Variants in CPNE2 observed in about 807,000 individuals in gnomAD.
The protein encoded by CPNE2 is copine-2.
A neutral mutation model predicts 69.7 loss-of-function variants in CPNE2; 42 were observed. The ratio of observed to expected loss-of-function variants is 0.60; its 90% CI spans 0.47 to 0.78. The LOEUF (loss-of-function observed/expected upper bound fraction) is 0.78. CPNE2 is among the 30% of genes least tolerant of loss of function. The probability of loss-of-function intolerance (pLI) is 0.00; values close to 1 mark genes in which losing one functional copy is unlikely to be tolerated. For missense variants in CPNE2, 587 were observed against 732.0 expected (o/e 0.80, Z 2.29); for synonymous variants, 294 against 289.8 (o/e 1.01, Z -0.15).
intron 1 of CPNE2, among the ~76,000 whole-genome samples, chr16:57,104,434 C>A (rs2145238314): frequency 6.6e-6 from 1 of 152,326 alleles, no homozygotes; most frequent in Middle Eastern, 3.4e-3. Flanking sequence ...TGAAGTAGGA[C>A]ACAGTCCCTC....
chr16:57,127,255 CAGATT>C (rs2069807113), intron 11 of CPNE2, among the ~76,000 whole-genome samples: 1 of 152,092 alleles, frequency 6.6e-6, no homozygotes, highest in Non-Finnish European at 1.5e-5. Context: ...CTAGAGGAAA[CAGATT>C]AGGGAGAGAT....
chr16:57,122,762 T>G (rs2069772304), intron 9 of CPNE2, among the ~76,000 whole-genome samples: 1 of 152,040 alleles, frequency 6.6e-6, no homozygotes, highest in Non-Finnish European at 1.5e-5. Context: ...CTGGCTAATT[T>G]TTGTGTTTTT....
intron 14 of CPNE2, among the ~76,000 whole-genome samples, chr16:57,140,618 G>T (rs1043422237): frequency 2.0e-5 from 3 of 151,948 alleles, no homozygotes; most frequent in African/African-American, 7.3e-5. Context: ...AGGCTGAAGT[G>T]CAGTGGCACA....
Position 57,147,676 on chromosome 16 carries a change from C to T in CPNE2, c.*18C>T, listed in dbSNP as rs1413365947. On this transcript the variant is annotated 3_prime_UTR_variant, in exon 16 of 16. Transcript: ENST00000290776. ...CCGCCTGAGCTCCAGTGCCCAGCAG[C>T]AGCATGTCAGCTGAGCCTCCTGCCC... 1 of 1,555,920 alleles carries T rather than the reference C, an allele frequency of 6.4e-7. No individual in the cohort carries two copies. Among genetic ancestry groups the T allele is most frequent in the South Asian group, 1.2e-5 (1 of 86,032 alleles).
rs879492026 is a variant in CPNE2, at chr16:57,147,911, T to C, written c.*253T>C. The stretch of plus-strand genomic sequence containing the variant: ...CTTTGCCATTCTTAAGTATTGAATG[T>C]ACTTTGTATAATTTTAGTGGAATTG... On this transcript the variant is annotated 3_prime_UTR_variant, in exon 16 of 16. Coordinates refer to ENST00000290776, the MANE Select transcript of CPNE2 (RefSeq NM_152727.6). 6 of 370,758 alleles carry C rather than the reference T, an allele frequency of 1.6e-5. No individual in the cohort carries two copies. The Admixed American group carries it at 1.8e-4, about 11-fold the overall frequency. The allele number at this position is 370,758 out of a possible 1,614,324, so 23.0% of individuals were successfully genotyped here. A position where few individuals can be genotyped will look rare whatever the true frequency, so the allele number is the denominator to read the frequency against.
intron 11 of CPNE2, 46 bp downstream of exon 11, chr16:57,126,039 A>G (rs768624119): frequency 1.3e-5 from 21 of 1,608,874 alleles, no homozygotes; most frequent in Non-Finnish European, 1.5e-5. Context: ...GTTCCATCCA[A>G]CCTGGGAAGC....
At chr16:57,102,380 G>A (rs1392206340) in intron 1 of CPNE2, among the ~76,000 whole-genome samples, 1 of 152,124 alleles carries the variant, frequency 6.6e-6, no homozygotes, top group Non-Finnish European at 1.5e-5. Context: ...AGGATATGCT[G>A]GGTGCAGAAG....
intron 14 of CPNE2, 55 bp downstream of exon 14, chr16:57,137,337 T>TG (rs1185973831): frequency 3.1e-6 from 5 of 1,600,162 alleles, no homozygotes; most frequent in East Asian, 4.5e-5. Flanking sequence ...TCCTCTGGGC[T>TG]GGGGGGCAGG....
chr16:57,107,822 C>T (rs2069657097), intron 1 of CPNE2, among the ~76,000 whole-genome samples: 1 of 151,940 alleles, frequency 6.6e-6, no homozygotes, highest in Non-Finnish European at 1.5e-5. Context: ...TGTGTTCCTG[C>T]CAGACTGGAC....
In CPNE2 at chr16:57,140,093, C is replaced by T. The variant is rs150617536; in HGVS notation, c.1302+2811C>T. Among the ~76,000 whole-genome samples the T allele has an allele frequency of 2.4e-3, 365 of 152,168 alleles. 2 individuals are homozygous for T. Among genetic ancestry groups the T allele is most frequent in the African/African-American group, 8.0e-3 (334 of 41,528 alleles). On this transcript the variant is annotated intron_variant, in intron 14 of 15. Transcript: ENST00000290776. ...GCTCAGAGTGCCAGAAGGAGCTTCC[C>T]GGCCCTGACCCTGGCAACCCGGAGC...
At chr16:57,101,556 C>A (rs1485166621) in intron 1 of CPNE2, among the ~76,000 whole-genome samples, 1 of 151,880 alleles carries the variant, frequency 6.6e-6, no homozygotes, top group African/African-American at 2.4e-5. Context: ...GTGAAGCCAG[C>A]AGGGCTTGTA....
intron 14 of CPNE2, chr16:57,145,769 T>C: frequency 2.6e-6 from 1 of 391,574 alleles, no homozygotes. Flanking sequence ...TCCCACAGTA[T>C]AGCAACTGGC....
chr16:57,140,961 C>T (rs1458509153), intron 14 of CPNE2: 4 of 151,292 alleles, frequency 2.6e-5, no homozygotes, highest in Middle Eastern at 3.2e-3. Flanking sequence ...CTTCACCTTG[C>T]ACTCCCTCCT....
chr16:57,136,941 G>T (rs1166003779), intron 13 of CPNE2, among the ~76,000 whole-genome samples: 1 of 152,200 alleles, frequency 6.6e-6, no homozygotes, highest in Non-Finnish European at 1.5e-5. Flanking sequence ...AAACTCTACA[G>T]GCCTGTCTGA....
chr16:57,145,298 G>A lies in CPNE2; in HGVS notation c.1303-787G>A, dbSNP rs145531938. On this transcript the variant is annotated intron_variant, in intron 14 of 15. Transcript: ENST00000290776. The stretch of plus-strand genomic sequence containing the variant: ...GAAGCTTAGCAAATGTTAGAGAGAC[G>A]TGAAAGACACAGTAGTACCAAACCA... Among the ~76,000 whole-genome samples the A allele has an allele frequency of 3.9e-5, 6 of 152,286 alleles. No individual in the cohort carries two copies. In the East Asian group the frequency reaches 9.6e-4, roughly 24 times the overall value.
At chr16:57,131,195 G>A (rs2069836221) in intron 12 of CPNE2, among the ~76,000 whole-genome samples, 1 of 152,256 alleles carries the variant, frequency 6.6e-6, no homozygotes, top group Non-Finnish European at 1.5e-5. Context: ...CCCATGAGAA[G>A]CCTGTGGGGT....
Position 57,147,944 on chromosome 16 carries a change from G to T in CPNE2, c.*286G>T, listed in dbSNP as rs1023509918. ...ATAATTTTAGTGGAATTGTTATTGA[G>T]AATAAAATTTTTACAATCATAACTG... is the stretch of plus-strand genomic sequence containing the variant. On this transcript the variant is annotated 3_prime_UTR_variant, in exon 16 of 16. Transcript: ENST00000290776. 9.6e-6 allele frequency: 3 copies of T among 311,054 alleles called. No homozygotes were observed. The highest frequency in any genetic ancestry group is 1.8e-5 in the Non-Finnish European group (3 of 171,262). The allele number at this position is 311,054 out of a possible 1,614,324, so 19.3% of individuals were successfully genotyped here. A position where few individuals can be genotyped will look rare whatever the true frequency, so the allele number is the denominator to read the frequency against.
chr16:57,103,403 C>T (rs934160192), intron 1 of CPNE2, among the ~76,000 whole-genome samples: 1 of 152,200 alleles, frequency 6.6e-6, no homozygotes. Context: ...GGATCATAAG[C>T]GTGGGCTGCC....
chr16:57,109,843 T>C (rs2069669509), intron 1 of CPNE2, among the ~76,000 whole-genome samples: 1 of 152,226 alleles, frequency 6.6e-6, no homozygotes, highest in East Asian at 1.9e-4. Context: ...CCTAACCATC[T>C]AGGAATGCAG....
Sources: gnomAD v4.1 joint callset for allele counts (sites outside exome capture counted in the v4.1 genomes callset) on GRCh38, gnomAD v4.1.1 for gene constraint, MANE v1.5 for transcripts, NCBI Gene and HGNC (gene_info 2026-07-23, HGNC 2026-07-21) for gene names.